Variants in CARNMT1 observed in about 807,000 individuals in gnomAD.
The protein encoded by CARNMT1 is carnosine N-methyltransferase 1.
CARNMT1 carries 28 observed loss-of-function variants against 49.6 expected under a neutral mutation model. The observed-to-expected ratio is 0.56, with a 90% CI of 0.42 to 0.77. The LOEUF is 0.77. CARNMT1 is among the 30% of genes least tolerant of loss of function. The pLI, the probability that CARNMT1 is intolerant of heterozygous loss-of-function variation, is 0.00. For synonymous variants in CARNMT1, 178 were observed against 175.0 expected, an observed-to-expected ratio of 1.02 and a Z score of -0.13; for missense variants, 421 against 512.6, an observed-to-expected ratio of 0.82 and a Z score of 1.73.
chr9:75,024,332 T>G (rs1822463547), intron 1 of CARNMT1, among the ~76,000 whole-genome samples: 1 of 152,242 alleles, frequency 6.6e-6, no homozygotes, highest in South Asian at 2.1e-4. Flanking sequence ...TTAGGTCAGA[T>G]TCTACCACAA....
At chr9:74,994,941 A>G (rs1833142879) in intron 6 of CARNMT1, among the ~76,000 whole-genome samples, 1 of 152,194 alleles carries the variant, frequency 6.6e-6, no homozygotes, top group Non-Finnish European at 1.5e-5. Flanking sequence ...ATCATAAGTC[A>G]CACTATAGTA....
At chr9:75,020,093 G>A (rs905293436) in intron 1 of CARNMT1, among the ~76,000 whole-genome samples, 4 of 152,118 alleles carry the variant, frequency 2.6e-5, no homozygotes, top group African/African-American at 9.7e-5. Context: ...GATTCTGAGG[G>A]TGAAAGAGAC....
At chr9:74,991,986 T>C (rs932005206) in intron 6 of CARNMT1, among the ~76,000 whole-genome samples, 4 of 151,948 alleles carry the variant, frequency 2.6e-5, no homozygotes, top group African/African-American at 9.7e-5. Context: ...TTTAAAAAAT[T>C]CTAGGCCAGG....
rs1198259280 is a variant in CARNMT1, at chr9:74,981,446, GC to G, written c.*2320del. ...TAGGACTAAAATTAAGAAATACAAAGCTAAATAAATCCTCCAGTGATACTTC... is the reference window on the plus strand; with the variant it reads ...TAGGACTAAAATTAAGAAATACAAAGTAAATAAATCCTCCAGTGATACTTC... On this transcript the variant is annotated 3_prime_UTR_variant, in exon 8 of 8. Coordinates refer to ENST00000376834, the MANE Select transcript of CARNMT1 (RefSeq NM_152420.3). 6.6e-5 allele frequency: 10 copies of G among 151,984 alleles called. No homozygotes were observed. Among genetic ancestry groups the G allele is most frequent in the Non-Finnish European group, 1.3e-4 (9 of 67,962 alleles). 9.4% of individuals were successfully genotyped at this position (151,984 alleles called of 1,614,324 possible).
chr9:75,028,108 G>A lies in CARNMT1; in HGVS notation c.134C>T (p.Ala45Val). The A allele has an allele frequency of 6.4e-7, 1 of 1,555,192 alleles. No homozygotes were observed. Among genetic ancestry groups the A allele is most frequent in the Non-Finnish European group, 8.7e-7 (1 of 1,152,042 alleles). ...GRWGSAAAVS[A>V]AAAAATRSTE... ...GCTGCGCGTGGCCGCCGCCGCTGCC[G>A]CCGAAACCGCCGCGGCCGAGCCCCA... The change falls in exon 1 of 8, where the codon GCG (alanine) becomes GTG (valine). Residue 45 changes from alanine to valine, a missense_variant. This residue lies in a region of CARNMT1 where 186 missense variants were observed against 167.9 expected (regional missense o/e 1.11). Coordinates refer to ENST00000376834, the MANE Select transcript of CARNMT1 (RefSeq NM_152420.3).
At chr9:75,003,229 C>T (rs1833412356) in intron 3 of CARNMT1, among the ~76,000 whole-genome samples, 1 of 152,196 alleles carries the variant, frequency 6.6e-6, no homozygotes, top group Admixed American at 6.5e-5. Context: ...TAAATTATCA[C>T]TTCATCTATA....
intron 3 of CARNMT1, among the ~76,000 whole-genome samples, chr9:75,007,727 T>TC (rs1833553472): frequency 1.1e-5 from 1 of 92,002 alleles, no homozygotes; most frequent in Non-Finnish European, 2.2e-5. Context: ...AGACCCTGTC[T>TC]CAAAAAAATA....
intron 4 of CARNMT1, 88 bp downstream of exon 4, chr9:74,999,642 A>T: frequency 2.6e-6 from 3 of 1,174,454 alleles, no homozygotes; most frequent in Non-Finnish European, 3.6e-6. Context: ...CTATGTACTT[A>T]TCTTCAAATT....
At position 74,983,748 on chromosome 9, in the gene CARNMT1, G is replaced by T; in HGVS notation, c.*19C>A. On this transcript the variant is annotated 3_prime_UTR_variant, in exon 8 of 8. Coordinates refer to ENST00000376834, the MANE Select transcript of CARNMT1 (RefSeq NM_152420.3). ...TTGTTCTTACTAAACTTTTTTCCAG[G>T]TGGTATCACTTGAGACCATTATTGT... 1 of 1,436,556 alleles carries T rather than the reference G, an allele frequency of 7.0e-7. No homozygotes were observed. The highest frequency in any genetic ancestry group is 1.3e-5 in the South Asian group (1 of 77,936). 89.0% of individuals were successfully genotyped at this position (1,436,556 alleles called of 1,614,324 possible).
At chr9:75,010,019 G>C (rs148922960) in intron 3 of CARNMT1, 2 of 150,892 alleles carry the variant, frequency 1.3e-5, no homozygotes, top group Admixed American at 1.3e-4. Flanking sequence ...GTGTAGGGGT[G>C]TGCATGTATA....
intron 1 of CARNMT1, chr9:75,027,245 G>C: frequency 1.1e-6 from 1 of 883,016 alleles, no homozygotes; most frequent in African/African-American, 1.7e-5. Flanking sequence ...AAACGTGGAA[G>C]TTAGGGAGCT....
At chr9:74,995,120 C>T (rs1368132574) in intron 6 of CARNMT1, among the ~76,000 whole-genome samples, 2 of 152,050 alleles carry the variant, frequency 1.3e-5, no homozygotes, top group Non-Finnish European at 2.9e-5. Context: ...TACATAAAAC[C>T]TTACCATAAC....
chr9:75,018,766 A>C (rs973283681), intron 1 of CARNMT1, among the ~76,000 whole-genome samples: 8 of 152,102 alleles, frequency 5.3e-5, no homozygotes, highest in Admixed American at 2.0e-4. Context: ...TCAGAAGTTC[A>C]AGACCAGCCT....
chr9:75,016,481 T>TA, intron 2 of CARNMT1, 50 bp from the exon 3 acceptor site: 2 of 1,575,402 alleles, frequency 1.3e-6, no homozygotes, highest in Non-Finnish European at 1.7e-6. Flanking sequence ...AATCCACTTA[T>TA]ATTATGGTTA....
At chr9:75,014,039 A>C (rs1395914058) in intron 3 of CARNMT1, among the ~76,000 whole-genome samples, 1 of 150,854 alleles carries the variant, frequency 6.6e-6, no homozygotes, top group African/African-American at 2.4e-5. Context: ...AAAAAAAAAA[A>C]AACCCCAAGA....
intron 3 of CARNMT1, among the ~76,000 whole-genome samples, chr9:75,007,990 A>G (rs937139165): frequency 6.6e-6 from 1 of 152,020 alleles, no homozygotes; most frequent in Non-Finnish European, 1.5e-5. Context: ...TCAACACACA[A>G]AATTCAGTTG....
intron 1 of CARNMT1, among the ~76,000 whole-genome samples, chr9:75,020,302 C>G (rs1250607684): frequency 1.7e-5 from 2 of 119,026 alleles, no homozygotes; most frequent in Non-Finnish European, 3.3e-5. Context: ...GAGTCTTGCT[C>G]TGTTGCCCAG....
intron 3 of CARNMT1, among the ~76,000 whole-genome samples, chr9:75,008,192 A>AG (rs1833577390): frequency 6.6e-6 from 1 of 151,276 alleles, no homozygotes; most frequent in Non-Finnish European, 1.5e-5. Context: ...AAAAAAAAAA[A>AG]AAAACCCTCA....
intron 3 of CARNMT1, among the ~76,000 whole-genome samples, chr9:75,008,517 A>C (rs1833588668): frequency 6.6e-6 from 1 of 152,154 alleles, no homozygotes; most frequent in African/African-American, 2.4e-5. Context: ...TTTGTTGGCC[A>C]GGCTGGTCTT....
Sources: gnomAD v4.1 joint callset for allele counts (sites outside exome capture counted in the v4.1 genomes callset) on GRCh38, gnomAD v4.1.1 for gene constraint, gnomAD v4.1.1 regional missense constraint, MANE v1.5 for transcripts, NCBI Gene and HGNC (gene_info 2026-07-23, HGNC 2026-07-21) for gene names.